The following ZNF544 variants were observed in gnomAD, a reference collection of about 807,000 sequenced individuals.
ZNF544 encodes zinc finger protein 544.
In ZNF544, 10 loss-of-function variants were observed where a neutral mutation model predicts 13.5. The observed-to-expected ratio is 0.74, with a 90% CI of 0.46 to 1.25. The LOEUF (loss-of-function observed/expected upper bound fraction) is 1.25, where lower values mean the gene tolerates loss of function less well. Among genes scored for constraint, ZNF544 ranks in the 50% most tolerant of loss-of-function variants. ZNF544 has a pLI of 0.00. For synonymous variants in ZNF544, 323 were observed against 300.5 expected, an observed-to-expected ratio of 1.07 and a Z score of -0.77; for missense variants, 896 against 845.6, an observed-to-expected ratio of 1.06 and a Z score of -0.74.
At position 58,251,439 on chromosome 19, in the gene ZNF544, C is replaced by A. The variant is rs1300231830; in HGVS notation, c.244+4645C>A. ...AACTATCTAATCCTAGTACTTTGAC[C>A]CCAGAAGGCATGGCCAGTACTGAAA... On this transcript the variant is annotated intron_variant, in intron 6 of 6. Coordinates refer to ENST00000687789, the MANE Select transcript of ZNF544 (RefSeq NM_014480.4). The A allele has an allele frequency of 5.8e-6, 3 of 514,042 alleles. No individual in the cohort carries two copies. The Admixed American group carries it at 5.9e-5, about 10-fold the overall frequency. The allele number at this position is 514,042 out of a possible 1,614,324, so 31.8% of individuals were successfully genotyped here. A position where few individuals can be genotyped will look rare whatever the true frequency, so the allele number is the denominator to read the frequency against.
chr19:58,254,017 G>T (rs960008827), intron 6 of ZNF544, among the ~76,000 whole-genome samples: 2 of 152,138 alleles, frequency 1.3e-5, no homozygotes, highest in Admixed American at 6.6e-5. Flanking sequence ...GAGGTCAGGA[G>T]ATCAAGACCA....
chr19:58,260,003 G>A (rs1042841712), intron 6 of ZNF544, among the ~76,000 whole-genome samples: 4 of 152,122 alleles, frequency 2.6e-5, no homozygotes, highest in Admixed American at 6.5e-5. Context: ...GAGGCCAGTC[G>A]GGGAGGATCA....
chr19:58,263,589 A>C lies in ZNF544; in HGVS notation c.*835A>C, dbSNP rs2049433281. On this transcript the variant is annotated 3_prime_UTR_variant, in exon 7 of 7. Transcript: ENST00000687789. ...AGAATTGCCTGGAGTGTGCACTGAA[A>C]CTGTGTATTACCAAGCTCACTCTAG... is the stretch of plus-strand genomic sequence containing the variant. 15 of 984,354 alleles carry C rather than the reference A, an allele frequency of 1.5e-5. No homozygotes were observed. Among genetic ancestry groups the C allele is most frequent in the Non-Finnish European group, 1.8e-5 (15 of 828,950 alleles). The allele number at this position is 984,354 out of a possible 1,614,324, so 61.0% of individuals were successfully genotyped here. A position where few individuals can be genotyped will look rare whatever the true frequency, so the allele number is the denominator to read the frequency against.
At chr19:58,230,768 AGAG>A (rs986786355) in intron 3 of ZNF544, among the ~76,000 whole-genome samples, 2 of 152,262 alleles carry the variant, frequency 1.3e-5, no homozygotes, top group East Asian at 1.9e-4. Flanking sequence ...GCCTCACCTG[AGAG>A]GAGAAGAGGC....
rs543635764 is a variant in ZNF544 at position 58,272,387 on chromosome 19, C to G, written c.245-3936C>G. Among the ~76,000 whole-genome samples the G allele has an allele frequency of 1.9e-3, 293 of 151,994 alleles. 3 individuals carry two copies. The highest frequency in any genetic ancestry group is 6.6e-3 in the African/African-American group (272 of 41,452). On this transcript the variant is annotated intron_variant, in intron 5 of 6. Coordinates refer to the ZNF544 transcript ENST00000595981. ...GATTAGACTGGGCAACATGGCAGGA[C>G]TCTGTCTCTGCAAGAAATAAAAAAC...
In ZNF544 at chr19:58,238,195, G is replaced by A. The variant is rs950396154; in HGVS notation, c.-59-5770G>A. On this transcript the variant is annotated intron_variant, in intron 3 of 6. Coordinates refer to ENST00000687789, the MANE Select transcript of ZNF544 (RefSeq NM_014480.4). ...GATCCACCAGCCTTGGCCTCCCAGAGTGCTGGGATTACAGGTGTGAGTTAC... is the reference window on the plus strand; with the variant it reads ...GATCCACCAGCCTTGGCCTCCCAGAATGCTGGGATTACAGGTGTGAGTTAC... Among the ~76,000 whole-genome samples, 4 of 152,204 alleles carry A rather than the reference G, an allele frequency of 2.6e-5. No homozygotes were observed. In the East Asian group the frequency reaches 7.7e-4, roughly 29 times the overall value.
At chr19:58,275,031 A>T (rs1172627762) in intron 5 of ZNF544, among the ~76,000 whole-genome samples, 1 of 152,080 alleles carries the variant, frequency 6.6e-6, no homozygotes, top group Admixed American at 6.6e-5. Flanking sequence ...AGGCAAACCC[A>T]AATAAGGGAG....
At chr19:58,231,668 G>C (rs553617526) in intron 3 of ZNF544, 2 of 152,182 alleles carry the variant, frequency 1.3e-5, no homozygotes, top group East Asian at 3.9e-4. Flanking sequence ...CAAAGTGCTG[G>C]GATTATATGT....
chr19:58,253,774 C>T (rs1302202858), intron 6 of ZNF544, among the ~76,000 whole-genome samples: 1 of 152,274 alleles, frequency 6.6e-6, no homozygotes, highest in East Asian at 1.9e-4. Flanking sequence ...AGCATACAAA[C>T]CAGGACCATT....
chr19:58,230,399 T>C lies in ZNF544; in HGVS notation c.-123T>C, dbSNP rs1243314764. 1.3e-5 allele frequency: 2 copies of C among 152,302 alleles called. No homozygotes were observed. The highest frequency in any genetic ancestry group is 2.9e-5 in the Non-Finnish European group (2 of 68,112). The allele number at this position is 152,302 out of a possible 1,614,324, so 9.4% of individuals were successfully genotyped here. ...AGGTCTTGCTGTTTTTCCAGATGTCTACGGATGAGGAAACTGAGGCCTGGA... is the reference window on the plus strand; with the variant it reads ...AGGTCTTGCTGTTTTTCCAGATGTCCACGGATGAGGAAACTGAGGCCTGGA... On this transcript the variant is annotated 5_prime_UTR_variant, in exon 3 of 7. Transcript: ENST00000687789.
intron 5 of ZNF544, 105 bp downstream of exon 5, chr19:58,246,532 C>A: frequency 6.5e-7 from 1 of 1,538,736 alleles, no homozygotes; most frequent in Non-Finnish European, 8.8e-7. Flanking sequence ...GGAAGCAGGT[C>A]CCTTTCAGGT....
At chr19:58,267,775 G>A (rs2050119007), downstream of ZNF544, 1 of 151,478 alleles carries the variant, frequency 6.6e-6, no homozygotes, top group Admixed American at 6.6e-5. Flanking sequence ...GAGGTCAGGA[G>A]ATCGAGATCA....
At chr19:58,246,188 G>C in intron 4 of ZNF544, 113 bp from the exon 5 acceptor site, 1 of 1,421,372 alleles carries the variant, frequency 7.0e-7, no homozygotes, top group African/African-American at 1.4e-5. Context: ...CTGGGTATTA[G>C]GTTCCAATGT....
chr19:58,229,098 G>GC (rs970760772), intron 1 of ZNF544, 152 bp downstream of exon 1: 2 of 152,580 alleles, frequency 1.3e-5, no homozygotes, highest in African/African-American at 4.8e-5. Flanking sequence ...GCGAGGCCGA[G>GC]CAAGGGCAGG....
chr19:58,251,351 G>A (rs762561114), intron 6 of ZNF544: 4 of 518,906 alleles, frequency 7.7e-6, no homozygotes, highest in Non-Finnish European at 1.5e-5. Flanking sequence ...TGGCTGATGG[G>A]AGCTTCAGGT....
intron 3 of ZNF544, among the ~76,000 whole-genome samples, chr19:58,236,136 A>T (rs927951819): frequency 6.6e-6 from 1 of 151,476 alleles, no homozygotes; most frequent in Non-Finnish European, 1.5e-5. Context: ...TTGGGAGGCC[A>T]AGGCAGGTGG....
chr19:58,233,293 ACAT>A (rs1301621025), intron 3 of ZNF544, among the ~76,000 whole-genome samples: 2 of 152,154 alleles, frequency 1.3e-5, no homozygotes, highest in African/African-American at 4.8e-5. Flanking sequence ...ACTGCCAACC[ACAT>A]CAGCCTCCAA....
chr19:58,275,110 C>T (rs1341163158), intron 5 of ZNF544, among the ~76,000 whole-genome samples: 1 of 151,984 alleles, frequency 6.6e-6, no homozygotes, highest in Admixed American at 6.6e-5. Context: ...TTCCAGATAC[C>T]GAATGACTAT....
intron 6 of ZNF544, chr19:58,258,186 T>A (rs1019247145): frequency 6.6e-6 from 1 of 152,428 alleles, no homozygotes; most frequent in Non-Finnish European, 1.5e-5. Flanking sequence ...GTCCTTCACC[T>A]GATTTTCCAT....
Sources: allele counts gnomAD v4.1 joint callset (sites outside exome capture counted in the v4.1 genomes callset), GRCh38; gene constraint gnomAD v4.1.1; transcripts MANE v1.5; gene names NCBI Gene and HGNC (gene_info 2026-07-23, HGNC 2026-07-21).